The following GPR17 variants were observed in gnomAD, a reference collection of about 807,000 sequenced individuals.
The protein encoded by GPR17 is uracil nucleotide/cysteinyl leukotriene receptor.
Under a neutral mutation model 1.5 loss-of-function variants are expected in GPR17, and 4 were observed. The ratio of observed to expected loss-of-function variants is 2.73; its 90% CI spans 1.35 to 6.25. The LOEUF is 6.25. Among genes scored for constraint, GPR17 ranks in the 30% most tolerant of loss-of-function variants. The pLI, the probability that GPR17 is intolerant of heterozygous loss-of-function variation, is 0.00. For synonymous variants in GPR17, 209 were observed against 207.6 expected (o/e 1.01, Z -0.06); for missense variants, 463 against 462.1 (o/e 1.00, Z -0.02).
In GPR17 at chr2:127,647,987, T is replaced by C; in HGVS notation, c.-21+1743T>C. 1 of 983,562 alleles carries C rather than the reference T, an allele frequency of 1.0e-6. No homozygotes were observed. Among genetic ancestry groups the C allele is most frequent in the Non-Finnish European group, 1.2e-6 (1 of 828,240 alleles). 60.9% of individuals were successfully genotyped at this position (983,562 alleles called of 1,614,324 possible). A position where few individuals can be genotyped will look rare whatever the true frequency, so the allele number is the denominator to read the frequency against. On this transcript the variant is annotated intron_variant, in intron 1 of 1. Coordinates refer to ENST00000486700, the MANE Select transcript of GPR17 (RefSeq NM_001161417.2). This position sits in a 1 kb window ranked among gnomAD's most constrained non-coding sequence, Gnocchi z 4.3. Reference sequence around the variant, plus strand: ...CAGCCCCCTTCACAGCCCTCAGCCCTTCCCCAGGGCTTCAGCCAAGCCTGT... The same window carrying C: ...CAGCCCCCTTCACAGCCCTCAGCCCCTCCCCAGGGCTTCAGCCAAGCCTGT...
chr2:127,650,447 C>T (rs965236720), intron 1 of GPR17: 5 of 549,022 alleles, frequency 9.1e-6, no homozygotes, highest in Non-Finnish European at 6.4e-6. Flanking sequence ...TCTGAGGAGC[C>T]TCAGATCTCC....
intron 1 of GPR17, chr2:127,650,090 T>A: frequency 6.3e-7 from 1 of 1,595,880 alleles, no homozygotes; most frequent in Non-Finnish European, 8.6e-7. Context: ...GTAAAAAGAG[T>A]AGACCTCTGA....
rs562945179 is a variant in GPR17, at chr2:127,651,723, G to A, written c.988G>A (p.Glu330Lys). 3.1e-5 allele frequency: 50 copies of A among 1,612,900 alleles called. No homozygotes were observed. The highest frequency in any genetic ancestry group is 5.0e-5 in the Admixed American group (3 of 60,030). ...CCCCAGCTTCGAAGGGAAAACCAAC[G>A]AGAGCTCGCTGAGTGCCAAGTCAGA... ...PPPSFEGKTN[E>K]SSLSAKSEL is the part of the protein sequence containing the mutation. The change falls in exon 2 of 2, where the codon GAG becomes AAG. Residue 330 changes from glutamate to lysine, a missense_variant. Transcript: ENST00000486700.
rs1683757670 is a variant in GPR17, at chr2:127,651,332, G to A, written c.597G>A (p.Val199=). The A allele has an allele frequency of 1.9e-6, 3 of 1,611,082 alleles. No homozygotes were observed. Among genetic ancestry groups the A allele is most frequent in the South Asian group, 1.1e-5 (1 of 91,094 alleles). Residue 199 remains valine (V), a synonymous_variant, in exon 2 of 2, where the codon GTG becomes GTA. Coordinates refer to ENST00000486700, the MANE Select transcript of GPR17 (RefSeq NM_001161417.2). ...ASHHALVSLA[V]AFTFPFITTV... ...ACCATGCCCTGGTGTCCCTGGCAGT[G>A]GCCTTCACCTTCCCGTTCATCACCA...
rs374867696 is a variant in GPR17, at chr2:127,651,230, G to A, written c.495G>A (p.Pro165=). 197 of 1,607,554 alleles carry A rather than the reference G, an allele frequency of 1.2e-4. No homozygotes were observed. The Middle Eastern group carries it at 1.5e-3, about 12-fold the overall frequency. ...LWVVVAVAMA[P]LLVSPQTVQT... ...TGGTGGTGGCTGTGGCCATGGCCCC[G>A]CTGCTGGTGAGCCCACAGACCGTGC... is the stretch of plus-strand genomic sequence containing the variant. Residue 165 remains proline (P), a synonymous_variant, in exon 2 of 2, where the codon CCG becomes CCA. Transcript: ENST00000486700.
At position 127,651,114 on chromosome 2, in the gene GPR17, G is replaced by A. The variant is rs199832157; in HGVS notation, c.379G>A (p.Ala127Thr). The change falls in exon 2 of 2, where the codon GCC (alanine) becomes ACC (threonine). Residue 127 changes from alanine to threonine, a missense_variant. Physicochemically the swap from Ala to Thr is moderately conservative, Grantham distance 58. Transcript: ENST00000486700. ...CATCTACTTCCTCACCTGCATCAGCGCCGACCGTTTCCTGGCCATTGTGCA... is the reference window on the plus strand; with the variant it reads ...CATCTACTTCCTCACCTGCATCAGCACCGACCGTTTCCTGGCCATTGTGCA... ...ASIYFLTCIS[A>T]DRFLAIVHPV... 122 of 1,613,356 alleles carry A rather than the reference G, an allele frequency of 7.6e-5. No individual in the cohort carries two copies. The highest frequency in any genetic ancestry group is 4.5e-4 in the East Asian group (20 of 44,882).
intron 1 of GPR17, chr2:127,648,340 C>T: frequency 3.1e-6 from 1 of 327,476 alleles, no homozygotes; most frequent in Non-Finnish European, 4.4e-6. Context: ...TAGGTAGTTG[C>T]CCTCCCCTTT....
intron 1 of GPR17, chr2:127,649,925 G>A (rs985187296): frequency 1.1e-5 from 12 of 1,126,048 alleles, no homozygotes; most frequent in Non-Finnish European, 1.6e-5. Context: ...CCTGGTGGTG[G>A]ATCTACTCTG....
In GPR17 at chr2:127,652,632, TA is replaced by T. The variant is rs1316933167; in HGVS notation, c.*879del. 5.1e-4 allele frequency: 83 copies of T among 162,948 alleles called. No individual in the cohort carries two copies. The highest frequency in any genetic ancestry group is 1.9e-3 in the African/African-American group (79 of 41,592). The allele number at this position is 162,948 out of a possible 1,614,324, so 10.1% of individuals were successfully genotyped here. On this transcript the variant is annotated 3_prime_UTR_variant, in exon 2 of 2. Transcript: ENST00000486700. ...CGGACCATAAATATAACTGTAGCTTTAAGACTACACAGGTTGTTATGTTTGG... is the reference window on the plus strand; with the variant it reads ...CGGACCATAAATATAACTGTAGCTTTAGACTACACAGGTTGTTATGTTTGG...
rs757293356 is a variant in GPR17, at chr2:127,651,294, GAGA to G, written c.562_564del (p.Lys188del). On this transcript the variant is annotated inframe_deletion, in exon 2 of 2. Coordinates refer to ENST00000486700, the MANE Select transcript of GPR17 (RefSeq NM_001161417.2). ...GGTGGTCTGCCTGCAGCTGTACCGG[GAGA>G]AGGCCTCCCACCATGCCCTGGTGTC... 1 of 1,608,396 alleles carries G rather than the reference GAGA, an allele frequency of 6.2e-7. No homozygotes were observed. The highest frequency in any genetic ancestry group is 1.1e-5 in the South Asian group (1 of 91,080).
In GPR17 at chr2:127,651,723, G is replaced by C; in HGVS notation, c.988G>C (p.Glu330Gln). Reference protein sequence around the residue: ...PPPSFEGKTNESSLSAKSEL With the variant: ...PPPSFEGKTNQSSLSAKSEL ...CCCCAGCTTCGAAGGGAAAACCAACGAGAGCTCGCTGAGTGCCAAGTCAGA... is the reference window on the plus strand; with the variant it reads ...CCCCAGCTTCGAAGGGAAAACCAACCAGAGCTCGCTGAGTGCCAAGTCAGA... The change falls in exon 2 of 2, where the codon GAG becomes CAG. Residue 330 changes from glutamate to glutamine, a missense_variant. Transcript: ENST00000486700. 1 of 1,612,900 alleles carries C rather than the reference G, an allele frequency of 6.2e-7. No homozygotes were observed. Among genetic ancestry groups the C allele is most frequent in the Non-Finnish European group, 8.5e-7 (1 of 1,179,944 alleles).
At chr2:127,650,618 G>A in intron 1 of GPR17, 98 bp from the exon 2 acceptor site, 2 of 803,684 alleles carry the variant, frequency 2.5e-6, no homozygotes, top group Non-Finnish European at 4.0e-6. Flanking sequence ...GAAAGTGGGA[G>A]GTTCTGAAGG....
intron 1 of GPR17, among the ~76,000 whole-genome samples, chr2:127,649,186 AG>A: frequency 6.6e-6 from 1 of 151,072 alleles, no homozygotes; most frequent in Non-Finnish European, 1.5e-5. Flanking sequence ...GAAGGAAGGA[AG>A]GAAGGAAGGA....
At chr2:127,646,697 G>C (rs751000754) in intron 1 of GPR17, 1 of 152,594 alleles carries the variant, frequency 6.6e-6, no homozygotes, top group Admixed American at 6.5e-5. Flanking sequence ...CTAGATGCTC[G>C]ACTCACCCAC....
At position 127,649,091 on chromosome 2, in the gene GPR17, G is replaced by GAAAAAAAC. The variant is rs752842992; in HGVS notation, c.-20-1619_-20-1618insACAAAAAA. Among the ~76,000 whole-genome samples the GAAAAAAAC allele has an allele frequency of 9.0e-5, 12 of 133,642 alleles. No homozygotes were observed. The East Asian group carries it at 2.6e-3, about 28-fold the overall frequency. 87.7% of individuals were successfully genotyped at this position (133,642 alleles called of 152,430 possible). A position where few individuals can be genotyped will look rare whatever the true frequency, so the allele number is the denominator to read the frequency against. On this transcript the variant is annotated intron_variant, in intron 1 of 1. Coordinates refer to ENST00000486700, the MANE Select transcript of GPR17 (RefSeq NM_001161417.2). The stretch of plus-strand genomic sequence containing the variant: ...AGGAAGGAAAAAGAAAAGAAAAAAA[G>GAAAAAAAC]AAAAAAGAAAAGAAAAAAGGAAAAT...
intron 1 of GPR17, 70 bp from the exon 2 acceptor site, chr2:127,650,646 C>G: frequency 2.7e-6 from 3 of 1,117,782 alleles, no homozygotes; most frequent in Non-Finnish European, 3.9e-6. Flanking sequence ...GGCCTGACTT[C>G]TGGACTTCAG....
chr2:127,648,986 GGGGA>G (rs1683328506), intron 1 of GPR17, among the ~76,000 whole-genome samples: 4 of 25,640 alleles, frequency 1.6e-4, no homozygotes, highest in Non-Finnish European at 3.4e-4. Flanking sequence ...AGGGAGGGGA[GGGGA>G]GGGAGGGGAG....
At chr2:127,648,157 T>C (rs1472254223) in intron 1 of GPR17, 4 of 985,194 alleles carry the variant, frequency 4.1e-6, no homozygotes, top group Non-Finnish European at 4.8e-6. Context: ...TCCTGGGGAA[T>C]GGGGTCCCCA....
At chr2:127,649,679 C>A (rs1427280964) in intron 1 of GPR17, among the ~76,000 whole-genome samples, 1 of 152,222 alleles carries the variant, frequency 6.6e-6, no homozygotes, top group Non-Finnish European at 1.5e-5. Flanking sequence ...AAAATCAAAA[C>A]AAGAGTGGGT....
Sources: gnomAD v4.1 joint callset for allele counts (sites outside exome capture counted in the v4.1 genomes callset) on GRCh38, gnomAD v4.1.1 for gene constraint, Gnocchi (gnomAD v3.1) non-coding constraint, MANE v1.5 for transcripts, NCBI Gene and HGNC (gene_info 2026-07-23, HGNC 2026-07-21) for gene names.